NKAIN3: variants seen among roughly 807,000 people sequenced by gnomAD.
NKAIN3 encodes the protein sodium/potassium-transporting ATPase subunit beta-1-interacting protein 3.
Under a neutral mutation model 30.2 loss-of-function variants are expected in NKAIN3, and 25 were observed. That is an observed-to-expected ratio of 0.83 (90% CI 0.60 to 1.16). NKAIN3 has a LOEUF of 1.16. Ranked by LOEUF, NKAIN3 falls within the 50% of genes most tolerant of loss-of-function variation. NKAIN3 has a pLI of 0.00. For missense variants in NKAIN3, 225 were observed against 254.1 expected (o/e 0.89, Z 0.78); for synonymous variants, 91 against 89.6 (o/e 1.02, Z -0.09).
At chr8:62,693,714 TC>T (rs1277617898) in intron 3 of NKAIN3, among the ~76,000 whole-genome samples, 1 of 152,148 alleles carries the variant, frequency 6.6e-6, no homozygotes, top group Non-Finnish European at 1.5e-5. Context: ...TTGCCCCTGG[TC>T]TCCATCCCAA....
At chr8:62,846,976 A>G (rs1297462087) in intron 4 of NKAIN3, among the ~76,000 whole-genome samples, 1 of 152,158 alleles carries the variant, frequency 6.6e-6, no homozygotes, top group Admixed American at 6.5e-5. Flanking sequence ...CCATGAAAAC[A>G]GTATGGCAGA....
At chr8:62,942,386 G>T (rs1822992185) in intron 5 of NKAIN3, among the ~76,000 whole-genome samples, 1 of 150,264 alleles carries the variant, frequency 6.7e-6, no homozygotes, top group Admixed American at 6.7e-5. Context: ...ATTATAGATG[G>T]CACAGATGGA....
chr8:62,924,802 C>T (rs1822390095), intron 5 of NKAIN3, among the ~76,000 whole-genome samples: 2 of 152,180 alleles, frequency 1.3e-5, no homozygotes, highest in Admixed American at 1.3e-4. Context: ...TACCAGCAGA[C>T]TTGGTGTCTG....
At chr8:62,870,269 TAG>T (rs1820578470) in intron 4 of NKAIN3, among the ~76,000 whole-genome samples, 1 of 133,072 alleles carries the variant, frequency 7.5e-6, no homozygotes, top group African/African-American at 2.9e-5. Context: ...TATCTATATA[TAG>T]ATATATATAA....
At chr8:62,286,287 G>T (rs1225404363) in intron 1 of NKAIN3, among the ~76,000 whole-genome samples, 1 of 152,102 alleles carries the variant, frequency 6.6e-6, no homozygotes, top group Admixed American at 6.6e-5. Context: ...GAAAGAAAAG[G>T]AATACAAAAT....
At chr8:62,395,849 A>G (rs1019792461) in intron 1 of NKAIN3, among the ~76,000 whole-genome samples, 2 of 152,200 alleles carry the variant, frequency 1.3e-5, no homozygotes, top group Admixed American at 1.3e-4. Context: ...TGCTTTTTAA[A>G]TTAAAAAAGT....
At position 62,732,873 on chromosome 8, in the gene NKAIN3, C is replaced by A. The variant is rs561900856; in HGVS notation, c.274-14059C>A. Among the ~76,000 whole-genome samples the A allele has an allele frequency of 5.3e-5, 8 of 152,004 alleles. No individual in the cohort carries two copies. The South Asian group carries it at 1.2e-3, about 24-fold the overall frequency. The stretch of plus-strand genomic sequence containing the variant: ...TTCTGTGTCCAGATGCTTAAATGAG[C>A]CTCTTGTAAATGACACATAGCTGAA... On this transcript the variant is annotated intron_variant, in intron 3 of 6. Coordinates refer to ENST00000623646, the MANE Select transcript of NKAIN3 (RefSeq NM_001304533.3).
intron 1 of NKAIN3, among the ~76,000 whole-genome samples, chr8:62,357,944 G>A (rs2129592259): frequency 6.6e-6 from 1 of 152,186 alleles, no homozygotes; most frequent in African/African-American, 2.4e-5. Flanking sequence ...GATGTCATCA[G>A]GCTATTTGTT....
chr8:62,943,385 A>G (rs2130885654), intron 5 of NKAIN3, among the ~76,000 whole-genome samples: 1 of 152,300 alleles, frequency 6.6e-6, no homozygotes, highest in Admixed American at 6.5e-5. Flanking sequence ...AAAATCAAAA[A>G]AGAATAGATG....
chr8:62,813,637 T>G (rs571185115), intron 4 of NKAIN3, among the ~76,000 whole-genome samples: 1 of 152,112 alleles, frequency 6.6e-6, no homozygotes, highest in South Asian at 2.1e-4. Context: ...GGTTGTTTTA[T>G]ATACTCTTTG....
chr8:62,324,185 G>C lies in NKAIN3; in HGVS notation c.54+75058G>C, dbSNP rs547082333. On this transcript the variant is annotated intron_variant, in intron 1 of 6. Coordinates refer to ENST00000623646, the MANE Select transcript of NKAIN3 (RefSeq NM_001304533.3). The stretch of plus-strand genomic sequence containing the variant: ...CCACAATGTTGCTAAATCTTAATAA[G>C]AGTGTAATCTGAGGATCCAGGGGAG... Among the ~76,000 whole-genome samples, 12 of 152,146 alleles carry C rather than the reference G, an allele frequency of 7.9e-5. No homozygotes were observed. The South Asian group carries it at 2.5e-3, about 32-fold the overall frequency.
chr8:62,460,773 T>C (rs1805976272), intron 1 of NKAIN3, among the ~76,000 whole-genome samples: 1 of 152,208 alleles, frequency 6.6e-6, no homozygotes, highest in Admixed American at 6.5e-5. Context: ...TACTTGACAT[T>C]ACTCAGAGCT....
intron 1 of NKAIN3, among the ~76,000 whole-genome samples, chr8:62,551,634 G>A (rs757300393): frequency 2.6e-5 from 4 of 152,178 alleles, no homozygotes; most frequent in Admixed American, 6.5e-5. Context: ...CAGTTGTTTT[G>A]AGACCGTTGG....
chr8:62,648,771 G>C (rs745996807), intron 3 of NKAIN3, among the ~76,000 whole-genome samples: 1 of 152,286 alleles, frequency 6.6e-6, no homozygotes, highest in Non-Finnish European at 1.5e-5. Context: ...AGCTCTTGGA[G>C]AAACCAGAGC....
chr8:62,526,978 T>A (rs1430899752), intron 1 of NKAIN3, among the ~76,000 whole-genome samples: 1 of 152,122 alleles, frequency 6.6e-6, no homozygotes, highest in Non-Finnish European at 1.5e-5. Context: ...TCAGCACTAA[T>A]CCCCAGTTTT....
At chr8:62,740,320 A>G (rs1815823900) in intron 3 of NKAIN3, among the ~76,000 whole-genome samples, 1 of 152,190 alleles carries the variant, frequency 6.6e-6, no homozygotes, top group African/African-American at 2.4e-5. Context: ...TTTCTTAAGT[A>G]TATATGGGCT....
chr8:62,424,788 T>G (rs2129597074), intron 1 of NKAIN3, among the ~76,000 whole-genome samples: 1 of 152,042 alleles, frequency 6.6e-6, no homozygotes, highest in South Asian at 2.1e-4. Flanking sequence ...GCAATACCAC[T>G]TCTGTGTACT....
At chr8:62,302,283 C>T (rs1039443566) in intron 1 of NKAIN3, among the ~76,000 whole-genome samples, 37 of 152,142 alleles carry the variant, frequency 2.4e-4, no homozygotes, top group Admixed American at 2.2e-3. Flanking sequence ...CCCTAAACCA[C>T]ATGAAGAAAA....
intron 1 of NKAIN3, among the ~76,000 whole-genome samples, chr8:62,568,169 C>A (rs1005545906): frequency 6.6e-6 from 1 of 152,152 alleles, no homozygotes; most frequent in South Asian, 2.1e-4. Context: ...TTTCTTCCTA[C>A]ATTTTATGAT....
Sources: gnomAD v4.1 joint callset for allele counts (sites outside exome capture counted in the v4.1 genomes callset) on GRCh38, gnomAD v4.1.1 for gene constraint, MANE v1.5 for transcripts, NCBI Gene and HGNC (gene_info 2026-07-23, HGNC 2026-07-21) for gene names.